The following TBC1D5 variants were observed in gnomAD, a reference collection of about 807,000 sequenced individuals.
The protein encoded by TBC1D5 is TBC1 domain family, member 5.
In TBC1D5, 75 loss-of-function variants were observed where a neutral mutation model predicts 100.3. The ratio of observed to expected loss-of-function variants is 0.75; its 90% confidence interval spans 0.62 to 0.91. TBC1D5 has a LOEUF of 0.91. Ranked by LOEUF, TBC1D5 falls within the 40% of genes least tolerant of loss-of-function variation. TBC1D5 has a pLI of 0.00. For missense variants in TBC1D5, 910 were observed against 942.4 expected (o/e 0.97, Z 0.45); for synonymous variants, 323 against 325.6 (o/e 0.99, Z 0.09).
At chr3:17,410,476 T>C (rs953290078) in intron 4 of TBC1D5, among the ~76,000 whole-genome samples, 1 of 152,172 alleles carries the variant, frequency 6.6e-6, no homozygotes, top group Non-Finnish European at 1.5e-5. Flanking sequence ...AAGAAATACA[T>C]TTCATAGGCT....
intron 1 of TBC1D5, among the ~76,000 whole-genome samples, chr3:17,707,633 A>G (rs4435673): frequency 0.5 from 76,568 of 152,006 alleles, 20,729 homozygotes; most frequent in East Asian, 0.94. Context: ...ATAAACAGTT[A>G]CTGGATTTAT....
At chr3:17,564,448 TG>T (rs1007560689) in intron 2 of TBC1D5, among the ~76,000 whole-genome samples, 6 of 152,168 alleles carry the variant, frequency 3.9e-5, no homozygotes, top group Non-Finnish European at 5.9e-5. Context: ...TTAAGCTTCA[TG>T]GGCCTACAGT....
In TBC1D5 at chr3:17,553,225, C is replaced by A. The variant is rs899230538; in HGVS notation, c.-35-44620G>T. Among the ~76,000 whole-genome samples, 9 of 152,246 alleles carry A rather than the reference C, an allele frequency of 5.9e-5. 1 individual carries two copies. In the South Asian group the frequency reaches 1.9e-3, roughly 32 times the overall value. On this transcript the variant is annotated intron_variant, in intron 2 of 21. Coordinates refer to ENST00000253692, the Ensembl canonical transcript of TBC1D5. Reference sequence around the variant, plus strand: ...ACTGTAAAGAGGTCACCAGTCAATACACAAAGTCCTTAGCCAATGCCGTAA... The same window carrying A: ...ACTGTAAAGAGGTCACCAGTCAATAAACAAAGTCCTTAGCCAATGCCGTAA...
intron 8 of TBC1D5, among the ~76,000 whole-genome samples, chr3:17,400,067 C>T (rs2093607063): frequency 6.6e-6 from 1 of 152,062 alleles, no homozygotes; most frequent in African/African-American, 2.4e-5. Context: ...TTTATCTATA[C>T]ATGCTTACTG....
chr3:17,429,116 A>T (rs1359002123), intron 3 of TBC1D5, among the ~76,000 whole-genome samples: 1 of 152,034 alleles, frequency 6.6e-6, no homozygotes, highest in Non-Finnish European at 1.5e-5. Flanking sequence ...AAGGAACAAC[A>T]TCAAAAGGTA....
intron 15 of TBC1D5, among the ~76,000 whole-genome samples, chr3:17,273,074 C>G (rs973555170): frequency 6.6e-6 from 1 of 152,042 alleles, no homozygotes; most frequent in African/African-American, 2.4e-5. Flanking sequence ...ACTTTAATTT[C>G]CCCTTCAATG....
chr3:17,520,322 G>C (rs1472532302), intron 2 of TBC1D5, among the ~76,000 whole-genome samples: 1 of 152,086 alleles, frequency 6.6e-6, no homozygotes, highest in Non-Finnish European at 1.5e-5. Context: ...GTTAATGCTA[G>C]CTAATTATAG....
intron 2 of TBC1D5, among the ~76,000 whole-genome samples, chr3:17,535,834 A>G (rs2096276473): frequency 6.6e-6 from 1 of 152,156 alleles, no homozygotes; most frequent in Admixed American, 6.5e-5. Flanking sequence ...AACCAATGAT[A>G]CTGCATAAAT....
intron 1 of TBC1D5, among the ~76,000 whole-genome samples, chr3:17,724,173 C>T (rs1371478592): frequency 6.6e-6 from 1 of 151,298 alleles, no homozygotes; most frequent in African/African-American, 2.4e-5. Flanking sequence ...TCACTGGGCT[C>T]AAGCAATCCT....
intron 14 of TBC1D5, among the ~76,000 whole-genome samples, chr3:17,299,909 G>A (rs2082660778): frequency 6.7e-6 from 1 of 148,980 alleles, no homozygotes; most frequent in African/African-American, 2.5e-5. Context: ...GTGGGATGGT[G>A]ATAGTGGGGG....
intron 2 of TBC1D5, among the ~76,000 whole-genome samples, chr3:17,596,191 T>A (rs2060551421): frequency 6.6e-6 from 1 of 152,150 alleles, no homozygotes; most frequent in Non-Finnish European, 1.5e-5. Context: ...AATTCAGCAG[T>A]GGTCCTAAAA....
At chr3:17,466,634 T>A (rs1330327093) in intron 3 of TBC1D5, among the ~76,000 whole-genome samples, 1 of 152,260 alleles carries the variant, frequency 6.6e-6, no homozygotes, top group East Asian at 1.9e-4. Context: ...ATCCAATAGA[T>A]AGGCTGGCTG....
chr3:17,291,842 A>C, intron 15 of TBC1D5, 53 bp downstream of exon 15: 2 of 1,482,792 alleles, frequency 1.3e-6, no homozygotes, highest in Non-Finnish European at 1.9e-6. Context: ...TACACAGAGA[A>C]GCCTATTTTT....
intron 2 of TBC1D5, among the ~76,000 whole-genome samples, chr3:17,527,424 C>T (rs2096152257): frequency 1.3e-5 from 2 of 152,238 alleles, no homozygotes; most frequent in South Asian, 4.1e-4. Flanking sequence ...GGGTCACTTC[C>T]ATCCTTTCAG....
At chr3:17,717,269 AG>A (rs892400914) in intron 1 of TBC1D5, among the ~76,000 whole-genome samples, 2 of 137,600 alleles carry the variant, frequency 1.5e-5, no homozygotes, top group East Asian at 2.4e-4. Flanking sequence ...AAAAAAAAAA[AG>A]GGGGGTGGCT....
chr3:17,312,113 C>T (rs1403203835), intron 13 of TBC1D5, among the ~76,000 whole-genome samples: 1 of 151,984 alleles, frequency 6.6e-6, no homozygotes, highest in Non-Finnish European at 1.5e-5. Flanking sequence ...AATTAATACA[C>T]CCTGAGTTTT....
chr3:17,563,122 G>A (rs2096570328), intron 2 of TBC1D5, among the ~76,000 whole-genome samples: 1 of 152,156 alleles, frequency 6.6e-6, no homozygotes, highest in South Asian at 2.1e-4. Flanking sequence ...GAGTTTTCAG[G>A]TTGCACAACT....
chr3:17,716,168 G>A (rs1338422593), intron 1 of TBC1D5, among the ~76,000 whole-genome samples: 2 of 152,140 alleles, frequency 1.3e-5, no homozygotes, highest in Non-Finnish European at 2.9e-5. Flanking sequence ...ACCATTGAGA[G>A]TTTATGTCCA....
chr3:17,679,080 A>G (rs1464189399), intron 1 of TBC1D5, among the ~76,000 whole-genome samples: 3 of 30,114 alleles, frequency 1.0e-4, no homozygotes, highest in East Asian at 0.33. Context: ...AAAGTTACAG[A>G]AAAAAAAAAA....
Sources: gnomAD v4.1 joint callset for allele counts (sites outside exome capture counted in the v4.1 genomes callset) on GRCh38, gnomAD v4.1.1 for gene constraint, MANE v1.5 for transcripts, NCBI Gene and HGNC (gene_info 2026-07-23, HGNC 2026-07-21) for gene names.